DPYD: variants seen among roughly 807,000 people sequenced by gnomAD.
DPYD encodes dihydropyrimidine dehydrogenase.
DPYD carries 109 observed loss-of-function variants against 116.2 expected under a neutral mutation model. The observed-to-expected ratio is 0.94, with a 90% CI of 0.80 to 1.10. The LOEUF (loss-of-function observed/expected upper bound fraction) is 1.10, where lower values mean the gene tolerates loss of function less well. DPYD is among the 50% of genes least tolerant of loss of function. DPYD has a pLI of 0.00. For missense variants in DPYD, 1,302 were observed against 1,254.5 expected, an observed-to-expected ratio of 1.04 and a Z score of -0.57; for synonymous variants, 440 against 432.0, an observed-to-expected ratio of 1.02 and a Z score of -0.23.
intron 12 of DPYD, among the ~76,000 whole-genome samples, chr1:97,530,076 A>G (rs1649486730): frequency 6.6e-6 from 1 of 151,964 alleles, no homozygotes; most frequent in Non-Finnish European, 1.5e-5. Context: ...ATCATGCAGT[A>G]TGTGTCCTTC....
At chr1:97,671,710 T>C (rs978936656) in intron 8 of DPYD, among the ~76,000 whole-genome samples, 1 of 152,070 alleles carries the variant, frequency 6.6e-6, no homozygotes, top group Non-Finnish European at 1.5e-5. Context: ...GCTGAAATTA[T>C]GCAATTCAAG....
At chr1:97,668,882 C>T (rs1268436981) in intron 8 of DPYD, among the ~76,000 whole-genome samples, 1 of 151,928 alleles carries the variant, frequency 6.6e-6, no homozygotes, top group Non-Finnish European at 1.5e-5. Context: ...CAAAATAAGA[C>T]TTTAAAGATC....
intron 8 of DPYD, among the ~76,000 whole-genome samples, chr1:97,645,450 C>T (rs1658202594): frequency 6.6e-6 from 1 of 152,006 alleles, no homozygotes; most frequent in Non-Finnish European, 1.5e-5. Flanking sequence ...GATCCAACTC[C>T]ATTACAGAGG....
chr1:97,290,200 G>A (rs1666041292), intron 18 of DPYD, among the ~76,000 whole-genome samples: 1 of 151,912 alleles, frequency 6.6e-6, no homozygotes, highest in East Asian at 1.9e-4. Flanking sequence ...GGATACAAGT[G>A]GAAGAACATT....
chr1:97,198,265 A>G (rs1658952704), intron 19 of DPYD, among the ~76,000 whole-genome samples: 1 of 152,162 alleles, frequency 6.6e-6, no homozygotes, highest in Non-Finnish European at 1.5e-5. Context: ...ATCTCATCTC[A>G]ACTGAAATGC....
At chr1:97,466,571 TATC>T (rs1677335719) in intron 13 of DPYD, among the ~76,000 whole-genome samples, 1 of 152,192 alleles carries the variant, frequency 6.6e-6, no homozygotes, top group African/African-American at 2.4e-5. Flanking sequence ...GCTCTATAAT[TATC>T]ATTTGTGCTT....
At chr1:97,356,900 C>T (rs1670453834) in intron 16 of DPYD, among the ~76,000 whole-genome samples, 1 of 152,228 alleles carries the variant, frequency 6.6e-6, no homozygotes, top group Admixed American at 6.5e-5. Context: ...ATGCCAACAT[C>T]ATGCTGTTTA....
intron 3 of DPYD, among the ~76,000 whole-genome samples, chr1:97,744,233 G>A (rs764158904): frequency 7.2e-5 from 11 of 151,862 alleles, no homozygotes; most frequent in Admixed American, 1.3e-4. Context: ...CCAAATATCC[G>A]TGAGGCTAGA....
intron 13 of DPYD, among the ~76,000 whole-genome samples, chr1:97,485,083 T>C (rs994329962): frequency 3.9e-5 from 6 of 152,354 alleles, no homozygotes; most frequent in Admixed American, 2.0e-4. Context: ...TTGAGATTCA[T>C]TGAGCTTCCT....
intron 8 of DPYD, among the ~76,000 whole-genome samples, chr1:97,616,929 G>A (rs917469720): frequency 2.6e-5 from 4 of 151,622 alleles, no homozygotes; most frequent in East Asian, 1.9e-4. Context: ...CTCTGTTGCC[G>A]GGCTGGAGTG....
intron 10 of DPYD, among the ~76,000 whole-genome samples, chr1:97,591,844 T>TAA (rs542142136): frequency 1.4e-5 from 2 of 147,794 alleles, no homozygotes; most frequent in Admixed American, 6.7e-5. Flanking sequence ...TTTCTATGTG[T>TAA]AAAAAAAAAC....
intron 16 of DPYD, among the ~76,000 whole-genome samples, chr1:97,313,945 T>C (rs1050247793): frequency 6.6e-6 from 1 of 151,988 alleles, no homozygotes; most frequent in Admixed American, 6.6e-5. Flanking sequence ...AATGAAAGAA[T>C]GAAGAATTTC....
intron 8 of DPYD, among the ~76,000 whole-genome samples, chr1:97,644,312 C>T (rs1050901992): frequency 6.6e-6 from 1 of 152,066 alleles, no homozygotes; most frequent in Non-Finnish European, 1.5e-5. Context: ...ACCAAAAGAT[C>T]ATGTTAAAAA....
rs536220545 is a variant in DPYD, at chr1:97,231,328, C to T, written c.2442+3524G>A. 8.5e-5 allele frequency among the ~76,000 whole-genome samples: 13 copies of T among 152,242 alleles called. No individual in the cohort carries two copies. In the South Asian group the frequency reaches 1.9e-3, roughly 22 times the overall value. Reference sequence around the variant, plus strand: ...GTGAAACTCTAGATGGGAATTCTGGCTCCATTGCTAGTCATGTGACTGCTA... The same window carrying T: ...GTGAAACTCTAGATGGGAATTCTGGTTCCATTGCTAGTCATGTGACTGCTA... On this transcript the variant is annotated intron_variant, in intron 19 of 22. Coordinates refer to ENST00000370192, the MANE Select transcript of DPYD (RefSeq NM_000110.4).
intron 3 of DPYD, among the ~76,000 whole-genome samples, chr1:97,752,125 T>G (rs967921985): frequency 6.6e-6 from 1 of 152,042 alleles, no homozygotes; most frequent in Non-Finnish European, 1.5e-5. Context: ...GCCATTATTA[T>G]AGAGGATGAA....
intron 3 of DPYD, among the ~76,000 whole-genome samples, chr1:97,801,506 G>C (rs1667843522): frequency 6.6e-6 from 1 of 151,814 alleles, no homozygotes; most frequent in South Asian, 2.1e-4. Flanking sequence ...AAGATATATA[G>C]TATATTAGAT....
At chr1:97,471,881 C>T (rs922263710) in intron 13 of DPYD, among the ~76,000 whole-genome samples, 1 of 152,124 alleles carries the variant, frequency 6.6e-6, no homozygotes, top group East Asian at 1.9e-4. Flanking sequence ...TGAGCCACCA[C>T]GCCCATCCCG....
chr1:97,441,339 A>T (rs1675784136), intron 14 of DPYD, among the ~76,000 whole-genome samples: 1 of 151,986 alleles, frequency 6.6e-6, no homozygotes, highest in Non-Finnish European at 1.5e-5. Context: ...TTACACATAT[A>T]TTAGGCCACT....
intron 19 of DPYD, among the ~76,000 whole-genome samples, chr1:97,205,503 A>C (rs1659525649): frequency 1.3e-5 from 2 of 152,228 alleles, no homozygotes; most frequent in South Asian, 2.1e-4. Flanking sequence ...GAATCCATTC[A>C]CCTATTGAAA....
Sources: allele counts gnomAD v4.1 joint callset (sites outside exome capture counted in the v4.1 genomes callset), GRCh38; gene constraint gnomAD v4.1.1; transcripts MANE v1.5; gene names NCBI Gene and HGNC (gene_info 2026-07-23, HGNC 2026-07-21).